Variants in ATP13A5 observed in about 807,000 individuals in gnomAD.
ATP13A5 encodes the protein ATPase 13A5.
ATP13A5 carries 149 observed loss-of-function variants against 150.2 expected under a neutral mutation model. The ratio of observed to expected loss-of-function variants is 0.99; its 90% CI spans 0.87 to 1.14. The LOEUF is 1.14. Among genes scored for constraint, ATP13A5 ranks in the 50% most tolerant of loss-of-function variants. The pLI, the probability that ATP13A5 is intolerant of heterozygous loss-of-function variation, is 0.00. For missense variants in ATP13A5, 1,383 were observed against 1,449.3 expected, an observed-to-expected ratio of 0.95 and a Z score of 0.74; for synonymous variants, 497 against 522.2, an observed-to-expected ratio of 0.95 and a Z score of 0.66.
intron 7 of ATP13A5, among the ~76,000 whole-genome samples, chr3:193,347,329 C>T (rs4687404): frequency 0.97 from 146,928 of 152,154 alleles, 70,969 homozygotes; most frequent in African/African-American, 0.99. Context: ...ATGTTATCTC[C>T]AACATACATG....
chr3:193,338,665 G>A (rs1326902985), intron 9 of ATP13A5, among the ~76,000 whole-genome samples: 3 of 152,152 alleles, frequency 2.0e-5, no homozygotes, highest in East Asian at 1.9e-4. Flanking sequence ...TTGCATCGAT[G>A]TTCATCAGGG....
rs1422437239 is a variant in ATP13A5 at position 193,364,288 on chromosome 3, A to C, written c.64-8T>G. The C allele has an allele frequency of 6.2e-7, 1 of 1,602,754 alleles. No homozygotes were observed. The highest frequency in any genetic ancestry group is 1.3e-5 in the African/African-American group (1 of 74,440). ...CCGGTAACCAAACACCTCCTGGAGA[A>C]TAAATTTAAAAGATCGCTCTATTTT... On this transcript the variant is annotated splice_polypyrimidine_tract_variant and splice_region_variant and intron_variant, in intron 1 of 29. Coordinates refer to ENST00000342358, the MANE Select transcript of ATP13A5 (RefSeq NM_198505.4).
intron 1 of ATP13A5, among the ~76,000 whole-genome samples, chr3:193,375,140 G>A (rs764767999): frequency 5.3e-5 from 8 of 152,160 alleles, no homozygotes; most frequent in African/African-American, 1.2e-4. Context: ...CTGTGTACCC[G>A]TTTCACCCAG....
intron 29 of ATP13A5, among the ~76,000 whole-genome samples, chr3:193,276,505 A>AT (rs1717209958): frequency 6.6e-6 from 1 of 152,218 alleles, no homozygotes; most frequent in Non-Finnish European, 1.5e-5. Context: ...TGGAAGCAAA[A>AT]TTAGAGTTCA....
intron 9 of ATP13A5, among the ~76,000 whole-genome samples, chr3:193,342,622 G>A (rs1019876349): frequency 2.9e-4 from 44 of 152,254 alleles, no homozygotes; most frequent in Admixed American, 1.7e-3. Flanking sequence ...GAAAGGCAGC[G>A]TTGTTTGTCA....
intron 1 of ATP13A5, among the ~76,000 whole-genome samples, chr3:193,371,657 T>C (rs1713446280): frequency 2.0e-5 from 3 of 152,162 alleles, no homozygotes; most frequent in Admixed American, 2.0e-4. Flanking sequence ...CTCTCAGTCT[T>C]AGCAACCACT....
rs746632687 is a variant in ATP13A5 at position 193,299,257 on chromosome 3, T to A, written c.2776-54A>T. 21 of 1,399,762 alleles carry A rather than the reference T, an allele frequency of 1.5e-5. No individual in the cohort carries two copies. The Admixed American group carries it at 2.0e-4, about 14-fold the overall frequency. 86.7% of individuals were successfully genotyped at this position (1,399,762 alleles called of 1,614,324 possible). On this transcript the variant is annotated intron_variant, in intron 24 of 29. Transcript: ENST00000342358. ...TGTGGCATCTGCCATCATAGCCTAT[T>A]TATTATTCCCTACACTCTTTTTAAG...
At chr3:193,284,216 G>A (rs979895722) in intron 27 of ATP13A5, among the ~76,000 whole-genome samples, 22 of 151,620 alleles carry the variant, frequency 1.5e-4, no homozygotes, top group African/African-American at 5.1e-4. Context: ...TTAGAGACAA[G>A]GTCTCACTGT....
chr3:193,348,365 A>G (rs1300156973), intron 7 of ATP13A5, among the ~76,000 whole-genome samples: 2 of 152,162 alleles, frequency 1.3e-5, no homozygotes, highest in African/African-American at 4.8e-5. Context: ...TGAGGGTATT[A>G]ACTCAGGTGC....
intron 1 of ATP13A5, 75 bp downstream of exon 1, chr3:193,378,588 T>G (rs534817288): frequency 2.2e-5 from 29 of 1,296,898 alleles, no homozygotes; most frequent in Admixed American, 7.2e-5. Context: ...ACACTCTATT[T>G]TCTAATTCAG....
intron 16 of ATP13A5, among the ~76,000 whole-genome samples, chr3:193,320,391 G>C (rs879718455): frequency 6.6e-6 from 1 of 152,294 alleles, no homozygotes; most frequent in East Asian, 1.9e-4. Context: ...TAGTATTAGC[G>C]TAAGTCAAAG....
chr3:193,354,504 C>A (rs1053715808), intron 5 of ATP13A5, among the ~76,000 whole-genome samples: 2 of 151,650 alleles, frequency 1.3e-5, no homozygotes, highest in Non-Finnish European at 2.9e-5. Context: ...ATACTAAAAG[C>A]AACGAAAAAG....
At chr3:193,287,215 A>G (rs983560569) in intron 26 of ATP13A5, among the ~76,000 whole-genome samples, 3 of 152,186 alleles carry the variant, frequency 2.0e-5, no homozygotes, top group African/African-American at 7.2e-5. Flanking sequence ...TAGCAGCTGC[A>G]GCAAGTGGTC....
In ATP13A5 at chr3:193,364,256, T is replaced by C. The variant is rs751336883; in HGVS notation, c.88A>G (p.Asn30Asp). The C allele has an allele frequency of 1.9e-6, 3 of 1,613,782 alleles. No homozygotes were observed. The highest frequency in any genetic ancestry group is 1.1e-5 in the South Asian group (1 of 91,026). ...ELEVFGYRDH[N>D]VRKAFCLVAS... Reference sequence around the variant, plus strand: ...ACAAGGCAGAAGGCTTTCCGTACATTGTGGTCCCGGTAACCAAACACCTCC... The same window carrying C: ...ACAAGGCAGAAGGCTTTCCGTACATCGTGGTCCCGGTAACCAAACACCTCC... Residue 30 changes from asparagine to aspartate, a missense_variant, in exon 2 of 30, where the codon AAT (asparagine) becomes GAT (aspartate). Transcript: ENST00000342358.
chr3:193,299,987 C>T (rs557741628), intron 24 of ATP13A5, among the ~76,000 whole-genome samples: 1 of 152,270 alleles, frequency 6.6e-6, no homozygotes, highest in East Asian at 1.9e-4. Flanking sequence ...GGTTAAGGTT[C>T]TTCTGCGACA....
chr3:193,337,083 T>G (rs547702306), intron 9 of ATP13A5, among the ~76,000 whole-genome samples: 23 of 152,312 alleles, frequency 1.5e-4, no homozygotes, highest in African/African-American at 5.3e-4. Context: ...TTGATGGGGT[T>G]GTTTGTTTTT....
chr3:193,333,931 A>T, intron 10 of ATP13A5, 24 bp from the exon 11 acceptor site: 1 of 1,597,680 alleles, frequency 6.3e-7, no homozygotes, highest in East Asian at 2.2e-5. Flanking sequence ...ATCATAGATC[A>T]AGTAAGGCTG....
intron 16 of ATP13A5, among the ~76,000 whole-genome samples, chr3:193,320,873 G>A (rs1719244895): frequency 6.6e-6 from 1 of 152,222 alleles, no homozygotes; most frequent in South Asian, 2.1e-4. Context: ...TCAGCTCAAA[G>A]TCTGGCCCAG....
intron 18 of ATP13A5, among the ~76,000 whole-genome samples, chr3:193,314,585 G>A (rs1718976894): frequency 6.6e-6 from 1 of 152,128 alleles, no homozygotes; most frequent in African/African-American, 2.4e-5. Flanking sequence ...CTGTGCTTGG[G>A]TTTGACGATC....
Sources: gnomAD v4.1 joint callset for allele counts (sites outside exome capture counted in the v4.1 genomes callset) on GRCh38, gnomAD v4.1.1 for gene constraint, MANE v1.5 for transcripts, NCBI Gene and HGNC (gene_info 2026-07-23, HGNC 2026-07-21) for gene names.